ADGRL4: variants seen among roughly 807,000 people sequenced by gnomAD.
ADGRL4 encodes adhesion G protein-coupled receptor L4.
ADGRL4 carries 90 observed loss-of-function variants against 74.8 expected under a neutral mutation model. The observed-to-expected ratio is 1.20, with a 90% CI of 1.02 to 1.43. ADGRL4 has a LOEUF of 1.43. ADGRL4 is among the 40% of genes most tolerant of loss of function. ADGRL4 has a pLI of 0.00. For synonymous variants in ADGRL4, 311 were observed against 279.2 expected, an observed-to-expected ratio of 1.11 and a Z score of -1.14; for missense variants, 881 against 814.3, an observed-to-expected ratio of 1.08 and a Z score of -1.00.
chr1:78,978,358 G>A (rs1277564630), intron 2 of ADGRL4, among the ~76,000 whole-genome samples: 1 of 151,740 alleles, frequency 6.6e-6, no homozygotes, highest in Non-Finnish European at 1.5e-5. Flanking sequence ...TTTTTGTTTT[G>A]TAAATGTATT....
At chr1:78,955,814 G>A (rs1188761369) in intron 2 of ADGRL4, among the ~76,000 whole-genome samples, 1 of 151,966 alleles carries the variant, frequency 6.6e-6, no homozygotes, top group Non-Finnish European at 1.5e-5. Context: ...GTTTACTTAT[G>A]AATGAGACCT....
At chr1:78,975,521 C>G (rs1650258491) in intron 2 of ADGRL4, among the ~76,000 whole-genome samples, 1 of 151,962 alleles carries the variant, frequency 6.6e-6, no homozygotes, top group South Asian at 2.1e-4. Context: ...TTCAGTTGAC[C>G]CCTTATAATT....
chr1:78,959,092 G>C lies in ADGRL4; in HGVS notation c.173-12666C>G, dbSNP rs140637167. On this transcript the variant is annotated intron_variant, in intron 2 of 14. Transcript: ENST00000370742. ...ATAATGCTACTACACACTTACTACT[G>C]TATAATGTAATGTAAACATAACTTA... 4.0e-4 allele frequency among the ~76,000 whole-genome samples: 61 copies of C among 152,120 alleles called. No individual in the cohort carries two copies. The East Asian group carries it at 8.5e-3, about 21-fold the overall frequency.
intron 3 of ADGRL4, among the ~76,000 whole-genome samples, chr1:78,944,231 A>G (rs1259699757): frequency 6.6e-6 from 1 of 152,238 alleles, no homozygotes. Flanking sequence ...GACAAGAGAC[A>G]TTAGGGAATG....
intron 2 of ADGRL4, among the ~76,000 whole-genome samples, chr1:78,973,854 C>T (rs2100719787): frequency 6.6e-6 from 1 of 151,886 alleles, no homozygotes; most frequent in South Asian, 2.1e-4. Context: ...TCAATAATGC[C>T]AGGAAGATAT....
At chr1:78,945,177 A>AAAAAAAATATATAT (rs376405445) in intron 3 of ADGRL4, among the ~76,000 whole-genome samples, 4 of 127,938 alleles carry the variant, frequency 3.1e-5, no homozygotes, top group African/African-American at 8.8e-5. Flanking sequence ...AAAAAAAAAA[A>AAAAAAAATATATAT]ATATATATAT....
chr1:78,933,364 T>G (rs1297807721), intron 7 of ADGRL4, among the ~76,000 whole-genome samples: 1 of 151,388 alleles, frequency 6.6e-6, no homozygotes, highest in Non-Finnish European at 1.5e-5. Flanking sequence ...AAAAGGCATT[T>G]GACAAAATTC....
rs199724820 is a variant in ADGRL4, at chr1:78,921,605, T to C, written c.1257+8A>G. On this transcript the variant is annotated splice_region_variant and intron_variant, in intron 9 of 14. Transcript: ENST00000370742. ...CATTTATAAATATGAAGGGGAAAAT[T>C]ATCTTACAATGGAAGGACCAGAGGA... 1.7e-5 allele frequency: 24 copies of C among 1,398,718 alleles called. No homozygotes were observed. The East Asian group carries it at 5.9e-4, about 35-fold the overall frequency. 86.6% of individuals were successfully genotyped at this position (1,398,718 alleles called of 1,614,324 possible).
chr1:79,005,395 A>C (rs1351763893), intron 1 of ADGRL4, among the ~76,000 whole-genome samples, 176 bp from the exon 2 acceptor site: 1 of 152,196 alleles, frequency 6.6e-6, no homozygotes, highest in East Asian at 1.9e-4. Context: ...AGTAAGTAAA[A>C]CTTACTTTTA....
chr1:78,950,391 G>A (rs929728958), intron 2 of ADGRL4, among the ~76,000 whole-genome samples: 2 of 152,034 alleles, frequency 1.3e-5, no homozygotes, highest in East Asian at 1.9e-4. Flanking sequence ...CCGAGAAAAC[G>A]CTTGCCAAGA....
intron 3 of ADGRL4, among the ~76,000 whole-genome samples, chr1:78,945,990 A>G (rs572948883): frequency 6.6e-6 from 1 of 152,252 alleles, no homozygotes; most frequent in African/African-American, 2.4e-5. Context: ...TTGCCACTAT[A>G]CTAGATCTCA....
chr1:78,993,571 C>CT (rs1650652536), intron 2 of ADGRL4, among the ~76,000 whole-genome samples: 1 of 114,644 alleles, frequency 8.7e-6, no homozygotes, highest in Admixed American at 8.7e-5. Flanking sequence ...GCAAAAATTC[C>CT]ATTTTTTTTT....
intron 12 of ADGRL4, among the ~76,000 whole-genome samples, chr1:78,898,280 T>G (rs147692853): frequency 1.3e-5 from 2 of 152,272 alleles, no homozygotes; most frequent in East Asian, 3.8e-4. Flanking sequence ...AATATCATGA[T>G]AGCAGACTTG....
At chr1:78,907,084 A>G (rs1203801164) in intron 12 of ADGRL4, among the ~76,000 whole-genome samples, 1 of 152,012 alleles carries the variant, frequency 6.6e-6, no homozygotes, top group Non-Finnish European at 1.5e-5. Flanking sequence ...AACTTCTGGC[A>G]TTGTCTAGCC....
intron 2 of ADGRL4, among the ~76,000 whole-genome samples, chr1:78,984,839 A>G (rs1650462287): frequency 6.6e-6 from 1 of 151,772 alleles, no homozygotes; most frequent in Non-Finnish European, 1.5e-5. Context: ...CGGAGAGTAA[A>G]TTACCGTGGG....
chr1:78,996,291 T>C (rs896259199), intron 2 of ADGRL4, among the ~76,000 whole-genome samples: 1 of 152,150 alleles, frequency 6.6e-6, no homozygotes, highest in Non-Finnish European at 1.5e-5. Flanking sequence ...ACGATTTGAG[T>C]AGGTTTTTAG....
intron 2 of ADGRL4, among the ~76,000 whole-genome samples, chr1:78,963,921 G>A (rs1417695873): frequency 2.0e-5 from 3 of 152,174 alleles, no homozygotes; most frequent in Non-Finnish European, 4.4e-5. Context: ...GACACTGAGT[G>A]TAATCAAATA....
intron 13 of ADGRL4, 93 bp downstream of exon 13, chr1:78,893,005 A>G: frequency 1.3e-6 from 1 of 741,208 alleles, no homozygotes. Flanking sequence ...ACAATCATTT[A>G]AAAATAATTC....
At chr1:78,903,542 T>G (rs1019952749) in intron 12 of ADGRL4, among the ~76,000 whole-genome samples, 2 of 152,144 alleles carry the variant, frequency 1.3e-5, no homozygotes, top group Non-Finnish European at 2.9e-5. Flanking sequence ...TGGATTTAGA[T>G]CCACAGTTTT....
Sources: gnomAD v4.1 joint callset for allele counts (sites outside exome capture counted in the v4.1 genomes callset) on GRCh38, gnomAD v4.1.1 for gene constraint, MANE v1.5 for transcripts, NCBI Gene and HGNC (gene_info 2026-07-23, HGNC 2026-07-21) for gene names.